Variants in CACNA1B observed in about 807,000 individuals in gnomAD.
CACNA1B encodes voltage-dependent N-type calcium channel subunit alpha-1B.
CACNA1B carries 70 observed loss-of-function variants against 247.2 expected under a neutral mutation model. The ratio of observed to expected loss-of-function variants is 0.28; its 90% CI spans 0.23 to 0.35. The LOEUF is 0.35. Ranked by LOEUF, CACNA1B falls within the 10% of genes least tolerant of loss-of-function variation. CACNA1B has a pLI of 1.00. For missense variants in CACNA1B, 2,367 were observed against 3,197.4 expected, an observed-to-expected ratio of 0.74 and a Z score of 6.26; for synonymous variants, 1,231 against 1,294.4, an observed-to-expected ratio of 0.95 and a Z score of 1.05.
intron 6 of CACNA1B, among the ~76,000 whole-genome samples, chr9:137,941,090 AG>A (rs1475363863): frequency 6.6e-6 from 1 of 152,204 alleles, no homozygotes; most frequent in Non-Finnish European, 1.5e-5. Flanking sequence ...AAAGAAAGAA[AG>A]GTTATCCAAA....
At chr9:138,017,739 G>A (rs1423743612) in intron 18 of CACNA1B, among the ~76,000 whole-genome samples, 13 of 152,350 alleles carry the variant, frequency 8.5e-5, no homozygotes, top group African/African-American at 2.6e-4. Context: ...AGGGCCCAAG[G>A]CAGAGACACG....
intron 1 of CACNA1B, 46 bp downstream of exon 1, chr9:137,878,263 TG>T: frequency 4.7e-6 from 1 of 212,734 alleles, no homozygotes; most frequent in Non-Finnish European, 6.7e-6. Context: ...GGGACCGGGG[TG>T]GGGGCCGGGG....
chr9:138,016,142 A>G (rs1422141058), intron 18 of CACNA1B, among the ~76,000 whole-genome samples: 1 of 152,150 alleles, frequency 6.6e-6, no homozygotes, highest in Non-Finnish European at 1.5e-5. Flanking sequence ...TCAATCACAT[A>G]CACACATAAT....
At chr9:137,979,340 G>A (rs535464282) in intron 12 of CACNA1B, among the ~76,000 whole-genome samples, 52 of 152,296 alleles carry the variant, frequency 3.4e-4, no homozygotes, top group Admixed American at 7.2e-4. Flanking sequence ...CTGGAACGCC[G>A]AGTTCCTGGT....
intron 3 of CACNA1B, among the ~76,000 whole-genome samples, chr9:137,894,302 A>AT (rs56794355): frequency 0.15 from 14,366 of 95,970 alleles, 2,161 homozygotes; most frequent in African/African-American, 0.4. Context: ...TTGTCTCTGT[A>AT]TTTTTTTTTT....
In CACNA1B at chr9:138,115,807, G is replaced by A. The variant is rs1022625686; in HGVS notation, c.5777+128G>A. The A allele has an allele frequency of 1.8e-5, 17 of 960,926 alleles. No homozygotes were observed. The Admixed American group carries it at 3.7e-4, about 21-fold the overall frequency. 59.5% of individuals were successfully genotyped at this position (960,926 alleles called of 1,614,324 possible). A position where few individuals can be genotyped will look rare whatever the true frequency, so the allele number is the denominator to read the frequency against. ...CACTGGCCTCTGGGTTCACCAGCTT[G>A]GAGGCACCTGAGGGGCGTGTCTGCC... On this transcript the variant is annotated intron_variant, in intron 42 of 46. Coordinates refer to ENST00000371372, the MANE Select transcript of CACNA1B (RefSeq NM_000718.4).
rs1029063056 is a variant in CACNA1B at position 137,990,049 on chromosome 9, A to G, written c.1974+3195A>G. 1.3e-5 allele frequency among the ~76,000 whole-genome samples: 2 copies of G among 152,096 alleles called. No homozygotes were observed. Among genetic ancestry groups the G allele is most frequent in the African/African-American group, 4.8e-5 (2 of 41,424 alleles). On this transcript the variant is annotated intron_variant, in intron 15 of 46. Transcript: ENST00000371372. This position sits in a 1 kb window ranked among gnomAD's most constrained non-coding sequence, Gnocchi z 4.5. ...ACTACCACGGGAAGTTCTTGGAACT[A>G]CCACAGGCAAGTTCTCAGCCCTGGG...
At chr9:138,110,848 C>G (rs1308357993) in intron 39 of CACNA1B, among the ~76,000 whole-genome samples, 1 of 152,066 alleles carries the variant, frequency 6.6e-6, no homozygotes, top group Non-Finnish European at 1.5e-5. Context: ...GTCACAACTC[C>G]CTAAGAAAAT....
chr9:137,922,235 C>T lies in CACNA1B; in HGVS notation c.966+4804C>T, dbSNP rs531548456. Among the ~76,000 whole-genome samples, 578 of 145,166 alleles carry T rather than the reference C, an allele frequency of 4.0e-3. 11 individuals are homozygous for T. Among genetic ancestry groups the T allele is most frequent in the African/African-American group, 0.014 (541 of 37,836 alleles). On this transcript the variant is annotated intron_variant, in intron 6 of 46. Coordinates refer to ENST00000371372, the MANE Select transcript of CACNA1B (RefSeq NM_000718.4). ...GATCAGCACCACGACCGCAAAGCAT[C>T]CTGGGAGCAGAGTAAAGCGTTCGGA...
chr9:138,073,411 G>A lies in CACNA1B; in HGVS notation c.4675-77G>A. 1 of 806,600 alleles carries A rather than the reference G, an allele frequency of 1.2e-6. No homozygotes were observed. The highest frequency in any genetic ancestry group is 2.2e-6 in the Non-Finnish European group (1 of 457,412). The allele number at this position is 806,600 out of a possible 1,614,324, so 50.0% of individuals were successfully genotyped here. On this transcript the variant is annotated intron_variant, in intron 32 of 46. Coordinates refer to ENST00000371372, the MANE Select transcript of CACNA1B (RefSeq NM_000718.4). This position sits in a 1 kb window ranked among gnomAD's most constrained non-coding sequence, Gnocchi z 6.4. ...CTTTGGGGCCACAGGGATGTGGGAA[G>A]AGGTTGTAGGGTGGCAGCAGCTTGC...
chr9:138,074,081 T>C lies in CACNA1B; in HGVS notation c.4857+15T>C. ...TCGGCATGCAGGTGGGTGCTCCCCT[T>C]TGGGACAGAGCGTGGTTCCGGCCTC... is the stretch of plus-strand genomic sequence containing the variant. On this transcript the variant is annotated intron_variant, in intron 34 of 46. Coordinates refer to ENST00000371372, the MANE Select transcript of CACNA1B (RefSeq NM_000718.4). 1 of 1,605,844 alleles carries C rather than the reference T, an allele frequency of 6.2e-7. No individual in the cohort carries two copies. The highest frequency in any genetic ancestry group is 8.5e-7 in the Non-Finnish European group (1 of 1,174,204).
intron 25 of CACNA1B, 88 bp from the exon 26 acceptor site, chr9:138,053,758 T>G: frequency 1.7e-6 from 1 of 575,376 alleles, no homozygotes; most frequent in Non-Finnish European, 2.6e-6. Flanking sequence ...GCTCCACCCC[T>G]CCCCGTGACC....
chr9:137,975,221 C>T (rs909175135), intron 11 of CACNA1B, among the ~76,000 whole-genome samples: 1 of 152,130 alleles, frequency 6.6e-6, no homozygotes, highest in Non-Finnish European at 1.5e-5. Flanking sequence ...CCAAGACAGC[C>T]CCCCTCCACT....
intron 12 of CACNA1B, among the ~76,000 whole-genome samples, chr9:137,976,560 T>G (rs1355109424): frequency 6.6e-6 from 1 of 151,172 alleles, no homozygotes; most frequent in Non-Finnish European, 1.5e-5. Context: ...CCATGACAGT[T>G]GAACACAGAC....
rs12342308 is a variant in CACNA1B at position 137,888,842 on chromosome 9, G to A, written c.530+5959G>A. Reference sequence around the variant, plus strand: ...GATGGTGGCAGGCACTTCTCAGGGAGAAGCCAGGCCCAGCTCAGGGCCCCA... The same window carrying A: ...GATGGTGGCAGGCACTTCTCAGGGAAAAGCCAGGCCCAGCTCAGGGCCCCA... On this transcript the variant is annotated intron_variant, in intron 3 of 46. Coordinates refer to ENST00000371372, the MANE Select transcript of CACNA1B (RefSeq NM_000718.4). The surrounding 1 kb of genome is among the most constrained non-coding windows in gnomAD (Gnocchi z 4.7). 0.079 allele frequency among the ~76,000 whole-genome samples: 11,940 copies of A among 151,584 alleles called. 318 individuals are homozygous for A. Among genetic ancestry groups the A allele is most frequent in the African/African-American group, 0.21 (8,716 of 40,932 alleles).
intron 15 of CACNA1B, among the ~76,000 whole-genome samples, chr9:137,993,271 GAT>G (rs1258804185): frequency 6.6e-6 from 1 of 151,696 alleles, no homozygotes; most frequent in Non-Finnish European, 1.5e-5. Flanking sequence ...TAAATAAAAA[GAT>G]AAATTTTTTT....
At position 138,033,007 on chromosome 9, in the gene CACNA1B, G is replaced by C. The variant is rs111715462; in HGVS notation, c.3286+7835G>C. On this transcript the variant is annotated intron_variant, in intron 20 of 46. Coordinates refer to ENST00000371372, the MANE Select transcript of CACNA1B (RefSeq NM_000718.4). ...CTTTCTCTTTTCTTTCCAGGACTCT[G>C]ATGACATGAATATTAGATCTTTTGT... is the stretch of plus-strand genomic sequence containing the variant. Among the ~76,000 whole-genome samples the C allele has an allele frequency of 9.1e-3, 1,382 of 152,192 alleles. 9 individuals carry two copies. Among genetic ancestry groups the C allele is most frequent in the South Asian group, 0.012 (60 of 4,828 alleles).
In CACNA1B at chr9:137,917,554, C is replaced by A; in HGVS notation, c.966+123C>A. On this transcript the variant is annotated intron_variant, in intron 6 of 46. Transcript: ENST00000371372. This position sits in a 1 kb window ranked among gnomAD's most constrained non-coding sequence, Gnocchi z 5.5. ...GCCTCTGCCCAGCCCTAGGCTCCTC[C>A]CTGCACCCCTAGGATGAAATGCAGG... The A allele has an allele frequency of 1.3e-6, 1 of 797,456 alleles. No individual in the cohort carries two copies. The highest frequency in any genetic ancestry group is 2.0e-6 in the Non-Finnish European group (1 of 496,994). 49.4% of individuals were successfully genotyped at this position (797,456 alleles called of 1,614,324 possible). A position where few individuals can be genotyped will look rare whatever the true frequency, so the allele number is the denominator to read the frequency against.
At chr9:138,001,692 A>C (rs145400675) in intron 15 of CACNA1B, among the ~76,000 whole-genome samples, 74 of 152,286 alleles carry the variant, frequency 4.9e-4, no homozygotes, top group African/African-American at 1.7e-3. Flanking sequence ...TAGATATAAT[A>C]AGAAAATTCA....
Sources: allele counts gnomAD v4.1 joint callset (sites outside exome capture counted in the v4.1 genomes callset), GRCh38; gene constraint gnomAD v4.1.1; non-coding constraint Gnocchi (gnomAD v3.1); transcripts MANE v1.5; gene names NCBI Gene and HGNC (gene_info 2026-07-23, HGNC 2026-07-21).